The following PALM2AKAP2 variants were observed in gnomAD, a reference collection of about 807,000 sequenced individuals.
PALM2AKAP2 encodes PALM2 and AKAP2 fusion.
Under a neutral mutation model 71.5 loss-of-function variants are expected in PALM2AKAP2, and 37 were observed. The observed-to-expected ratio is 0.52, with a 90% CI of 0.40 to 0.68. PALM2AKAP2 has a LOEUF of 0.68. Among genes scored for constraint, PALM2AKAP2 ranks in the 30% least tolerant of loss-of-function variants. The probability of loss-of-function intolerance (pLI) is 0.00; values close to 1 mark genes in which losing one functional copy is unlikely to be tolerated. For missense variants in PALM2AKAP2, 1,224 were observed against 1,191.8 expected (o/e 1.03, Z -0.40); for synonymous variants, 468 against 478.8 (o/e 0.98, Z 0.29).
intron 7 of PALM2AKAP2, among the ~76,000 whole-genome samples, chr9:110,023,859 G>A (rs534972393): frequency 5.3e-5 from 8 of 152,248 alleles, no homozygotes; most frequent in Admixed American, 1.3e-4. Context: ...GAGTGTGGTA[G>A]CATGTGCCTG....
At chr9:109,786,596 G>A (rs1564148062) in intron 1 of PALM2AKAP2, among the ~76,000 whole-genome samples, 1 of 152,188 alleles carries the variant, frequency 6.6e-6, no homozygotes, top group Non-Finnish European at 1.5e-5. Context: ...GCTGCCCACT[G>A]GATAGGTGAC....
intron 1 of PALM2AKAP2, among the ~76,000 whole-genome samples, chr9:109,860,968 T>G (rs1829290841): frequency 1.3e-5 from 2 of 152,198 alleles, no homozygotes; most frequent in South Asian, 4.1e-4. Flanking sequence ...GAATAAAGAT[T>G]GCAACGTTTA....
chr9:109,873,649 A>T (rs1319098227), intron 2 of PALM2AKAP2, among the ~76,000 whole-genome samples: 1 of 152,206 alleles, frequency 6.6e-6, no homozygotes, highest in Non-Finnish European at 1.5e-5. Flanking sequence ...GAGGGTAAGG[A>T]AGTCTTATCT....
chr9:109,987,382 G>C (rs1290939323), intron 6 of PALM2AKAP2, among the ~76,000 whole-genome samples: 2 of 152,118 alleles, frequency 1.3e-5, no homozygotes, highest in African/African-American at 4.8e-5. Flanking sequence ...GCCCACCTCA[G>C]CCTCCCAAAG....
At chr9:110,013,297 C>T (rs904620494) in intron 6 of PALM2AKAP2, among the ~76,000 whole-genome samples, 12 of 152,228 alleles carry the variant, frequency 7.9e-5, no homozygotes, top group African/African-American at 2.9e-4. Flanking sequence ...ATTTCTCCCA[C>T]AGCAGGAGAG....
intron 1 of PALM2AKAP2, among the ~76,000 whole-genome samples, chr9:110,135,163 A>AT (rs1564323940): frequency 2.7e-5 from 2 of 73,968 alleles, no homozygotes; most frequent in African/African-American, 1.0e-4. Context: ...AAAAAAAAAA[A>AT]AATATATAAA....
At chr9:109,860,192 C>A (rs1829273019) in intron 1 of PALM2AKAP2, among the ~76,000 whole-genome samples, 1 of 152,120 alleles carries the variant, frequency 6.6e-6, no homozygotes, top group Admixed American at 6.5e-5. Flanking sequence ...TGAGTGAGCA[C>A]CTCTTCAATT....
chr9:110,035,813 A>G (rs1302148583), intron 7 of PALM2AKAP2, among the ~76,000 whole-genome samples: 1 of 144,490 alleles, frequency 6.9e-6, no homozygotes, highest in Non-Finnish European at 1.5e-5. Context: ...TATATGTAAC[A>G]TATATATGAT....
intron 1 of PALM2AKAP2, among the ~76,000 whole-genome samples, chr9:109,684,487 G>A (rs1003084486): frequency 1.1e-4 from 17 of 152,104 alleles, no homozygotes; most frequent in African/African-American, 3.9e-4. Context: ...CAGGGGGCAG[G>A]CAAGGAAATA....
chr9:109,833,935 G>A (rs563166850), intron 1 of PALM2AKAP2, among the ~76,000 whole-genome samples: 65 of 152,308 alleles, frequency 4.3e-4, no homozygotes, highest in Admixed American at 1.8e-3. Context: ...TTTGATGGCC[G>A]GGCACAGTGG....
chr9:109,817,834 T>C (rs1411271331), intron 1 of PALM2AKAP2, among the ~76,000 whole-genome samples: 3 of 152,168 alleles, frequency 2.0e-5, no homozygotes, highest in Non-Finnish European at 4.4e-5. Flanking sequence ...GGATTTAGGT[T>C]GTTAGTGGAA....
At chr9:109,980,186 T>C (rs1344993613) in intron 6 of PALM2AKAP2, among the ~76,000 whole-genome samples, 1 of 152,106 alleles carries the variant, frequency 6.6e-6, no homozygotes, top group Non-Finnish European at 1.5e-5. Context: ...GCTTCCCTAG[T>C]ATAAAGGAAA....
intron 1 of PALM2AKAP2, among the ~76,000 whole-genome samples, chr9:109,646,357 G>A (rs534767443): frequency 6.6e-6 from 1 of 152,256 alleles, no homozygotes; most frequent in Non-Finnish European, 1.5e-5. Flanking sequence ...AAACAGTATG[G>A]GATCCAAAAG....
At chr9:109,867,163 TC>T in intron 1 of PALM2AKAP2, 1 of 401,468 alleles carries the variant, frequency 2.5e-6, no homozygotes, top group African/African-American at 3.3e-5. Context: ...AACATGGTTC[TC>T]TGTGTGTGTG....
At chr9:110,137,237 G>A (rs1835904772) in exon 2 of PALM2AKAP2, 1 of 1,614,268 alleles carries the variant, frequency 6.2e-7, no homozygotes, top group African/African-American at 1.3e-5. Context: ...TCAGCTGATG[G>A]AGAATTCCAG....
intron 1 of PALM2AKAP2, among the ~76,000 whole-genome samples, chr9:110,122,870 T>C (rs1835519243): frequency 6.6e-6 from 1 of 152,212 alleles, no homozygotes; most frequent in Non-Finnish European, 1.5e-5. Context: ...AGGTGTGAGC[T>C]GCAGCTAGAC....
rs545434805 is a variant in PALM2AKAP2 at position 109,667,223 on chromosome 9, C to A, written c.5+26357C>A. On this transcript the variant is annotated intron_variant, in intron 1 of 6. Coordinates refer to the PALM2AKAP2 transcript ENST00000374531. The stretch of plus-strand genomic sequence containing the variant: ...AACAAGGAAAATGTAAGCTATGTTG[C>A]TGGAAGAAAAGAGAATGATGACAGA... Among the ~76,000 whole-genome samples, 146 of 152,110 alleles carry A rather than the reference C, an allele frequency of 9.6e-4. 1 individual carries two copies. Among genetic ancestry groups the A allele is most frequent in the Admixed American group, 2.0e-3 (31 of 15,282 alleles).
At chr9:109,800,991 A>G (rs1214785288) in intron 1 of PALM2AKAP2, among the ~76,000 whole-genome samples, 1 of 152,212 alleles carries the variant, frequency 6.6e-6, no homozygotes, top group Non-Finnish European at 1.5e-5. Context: ...CAAGCTGTAT[A>G]GCAGTAAAAC....
At chr9:109,985,603 G>C (rs976278116) in intron 6 of PALM2AKAP2, among the ~76,000 whole-genome samples, 1 of 126,034 alleles carries the variant, frequency 7.9e-6, no homozygotes, top group African/African-American at 3.0e-5. Flanking sequence ...CTGGGCGACA[G>C]AACGAGACTC....
Sources: gnomAD v4.1 joint callset for allele counts (sites outside exome capture counted in the v4.1 genomes callset) on GRCh38, gnomAD v4.1.1 for gene constraint, MANE v1.5 for transcripts, NCBI Gene and HGNC (gene_info 2026-07-23, HGNC 2026-07-21) for gene names.